EXOC6B: variants seen among roughly 807,000 people sequenced by gnomAD.
The protein encoded by EXOC6B is exocyst complex component 6B.
Under a neutral mutation model 113.5 loss-of-function variants are expected in EXOC6B, and 54 were observed. The ratio of observed to expected loss-of-function variants is 0.48; its 90% CI spans 0.38 to 0.60. The LOEUF is 0.60. Among genes scored for constraint, EXOC6B ranks in the 20% least tolerant of loss-of-function variants. The pLI is 0.00. For missense variants in EXOC6B, 797 were observed against 977.5 expected, an observed-to-expected ratio of 0.82 and a Z score of 2.46; for synonymous variants, 357 against 339.0, an observed-to-expected ratio of 1.05 and a Z score of -0.58.
intron 18 of EXOC6B, among the ~76,000 whole-genome samples, chr2:72,440,694 T>C (rs181374328): frequency 1.3e-5 from 2 of 152,230 alleles, no homozygotes; most frequent in East Asian, 3.9e-4. Flanking sequence ...TAACCTTAAA[T>C]GTAAATAGGC....
intron 20 of EXOC6B, among the ~76,000 whole-genome samples, chr2:72,307,322 T>C (rs1347239381): frequency 6.6e-6 from 1 of 152,028 alleles, no homozygotes; most frequent in African/African-American, 2.4e-5. Context: ...TTTTCTTTTG[T>C]ATTTTAATGG....
intron 19 of EXOC6B, among the ~76,000 whole-genome samples, chr2:72,366,444 G>T (rs1010423992): frequency 1.3e-5 from 2 of 151,946 alleles, no homozygotes; most frequent in African/African-American, 2.4e-5. Flanking sequence ...ACAGAGTATC[G>T]GTAACCACAG....
At chr2:72,268,815 C>T (rs1225403865) in intron 20 of EXOC6B, among the ~76,000 whole-genome samples, 1 of 152,108 alleles carries the variant, frequency 6.6e-6, no homozygotes, top group Non-Finnish European at 1.5e-5. Flanking sequence ...GACATGCTGG[C>T]TCCCCTTCAC....
intron 18 of EXOC6B, among the ~76,000 whole-genome samples, chr2:72,425,406 T>C (rs1228894865): frequency 6.6e-6 from 1 of 152,196 alleles, no homozygotes; most frequent in Non-Finnish European, 1.5e-5. Flanking sequence ...CTACATGTTA[T>C]TACTGATTGG....
At chr2:72,386,491 A>G (rs898533317) in intron 18 of EXOC6B, among the ~76,000 whole-genome samples, 6 of 152,342 alleles carry the variant, frequency 3.9e-5, no homozygotes, top group African/African-American at 1.4e-4. Flanking sequence ...TTAGGAGGAC[A>G]GAATGGTTTC....
chr2:72,515,577 G>A, intron 8 of EXOC6B: 5 of 1,004,024 alleles, frequency 5.0e-6, no homozygotes, highest in Non-Finnish European at 5.9e-6. Context: ...ATTGAGAACA[G>A]TAAATTAGTA....
At chr2:72,679,734 T>C (rs969906735) in intron 6 of EXOC6B, among the ~76,000 whole-genome samples, 2 of 152,168 alleles carry the variant, frequency 1.3e-5, no homozygotes, top group Admixed American at 1.3e-4. Context: ...TGTTAAATCT[T>C]AGAAGCTGAT....
At chr2:72,567,247 T>C in intron 7 of EXOC6B, among the ~76,000 whole-genome samples, 1 of 152,172 alleles carries the variant, frequency 6.6e-6, no homozygotes, top group South Asian at 2.1e-4. Flanking sequence ...TTGAACATAG[T>C]ACTCTGAACT....
intron 1 of EXOC6B, among the ~76,000 whole-genome samples, chr2:72,815,953 G>T (rs1462949042): frequency 1.3e-5 from 2 of 152,162 alleles, no homozygotes; most frequent in African/African-American, 4.8e-5. Context: ...GAGGTCAGGA[G>T]CTCAAAACCA....
At chr2:72,204,144 G>A (rs1679679071) in intron 20 of EXOC6B, among the ~76,000 whole-genome samples, 1 of 152,106 alleles carries the variant, frequency 6.6e-6, no homozygotes, top group Non-Finnish European at 1.5e-5. Flanking sequence ...TTAAGGCCTT[G>A]TCCATTTTTG....
chr2:72,561,590 G>C (rs1022970316), intron 7 of EXOC6B, among the ~76,000 whole-genome samples: 1 of 152,038 alleles, frequency 6.6e-6, no homozygotes, highest in South Asian at 2.1e-4. Flanking sequence ...CATCCTTGTA[G>C]AATGAACATC....
chr2:72,312,762 C>CAACAAA (rs1687273785), intron 20 of EXOC6B, among the ~76,000 whole-genome samples: 1 of 117,060 alleles, frequency 8.5e-6, no homozygotes, highest in South Asian at 2.9e-4. Flanking sequence ...TCTCAAAAAA[C>CAACAAA]AACAACAACA....
intron 20 of EXOC6B, among the ~76,000 whole-genome samples, chr2:72,198,800 T>C (rs750848813): frequency 6.6e-6 from 1 of 152,172 alleles, no homozygotes; most frequent in Non-Finnish European, 1.5e-5. Context: ...GCTTAAGCTA[T>C]GCCAGTACTT....
intron 18 of EXOC6B, among the ~76,000 whole-genome samples, chr2:72,399,074 C>T (rs1692962586): frequency 1.3e-5 from 2 of 150,534 alleles, no homozygotes; most frequent in Admixed American, 6.6e-5. Flanking sequence ...TATGTATGAG[C>T]ATATGATCCA....
At chr2:72,432,339 G>C (rs1012557730) in intron 18 of EXOC6B, among the ~76,000 whole-genome samples, 21 of 152,170 alleles carry the variant, frequency 1.4e-4, no homozygotes, top group African/African-American at 4.1e-4. Flanking sequence ...TGGGCATTCA[G>C]GTTGGTTCCA....
chr2:72,561,583 C>A (rs1703887422), intron 7 of EXOC6B, among the ~76,000 whole-genome samples: 1 of 152,076 alleles, frequency 6.6e-6, no homozygotes. Context: ...TCAGACCCAT[C>A]CTTGTAGAAT....
intron 8 of EXOC6B, among the ~76,000 whole-genome samples, chr2:72,554,382 A>G (rs969698256): frequency 1.3e-5 from 2 of 152,172 alleles, no homozygotes; most frequent in Non-Finnish European, 2.9e-5. Flanking sequence ...CCCCAACCAA[A>G]TCTCACCTCA....
intron 18 of EXOC6B, among the ~76,000 whole-genome samples, chr2:72,451,654 C>CTGTGTGTGTGTG (rs141514102): frequency 0.019 from 2,726 of 142,562 alleles, 66 homozygotes; most frequent in African/African-American, 0.057. Context: ...GTCTTTGTGC[C>CTGTGTGTGTGTG]TGTGTGTGTG....
chr2:72,594,229 C>A (rs1177889374), intron 6 of EXOC6B, among the ~76,000 whole-genome samples: 3 of 152,154 alleles, frequency 2.0e-5, no homozygotes, highest in African/African-American at 7.2e-5. Flanking sequence ...GCAATCTTCC[C>A]ACCCTGGCTT....
Sources: allele counts gnomAD v4.1 joint callset (sites outside exome capture counted in the v4.1 genomes callset), GRCh38; gene constraint gnomAD v4.1.1; transcripts MANE v1.5; gene names NCBI Gene and HGNC (gene_info 2026-07-23, HGNC 2026-07-21).